Variants in SPTBN1 observed in about 807,000 individuals in gnomAD.
SPTBN1 encodes spectrin beta, non-erythrocytic 1.
SPTBN1 carries 32 observed loss-of-function variants against 266.4 expected under a neutral mutation model. The observed-to-expected ratio is 0.12, with a 90% CI of 0.09 to 0.16. The LOEUF (loss-of-function observed/expected upper bound fraction) is 0.16. SPTBN1 is among the 10% of genes least tolerant of loss of function. The probability of loss-of-function intolerance (pLI) is 1.00; values close to 1 mark genes in which losing one functional copy is unlikely to be tolerated. For synonymous variants in SPTBN1, 1,336 were observed against 1,162.2 expected, an observed-to-expected ratio of 1.15 and a Z score of -3.04; for missense variants, 2,296 against 3,067.1, an observed-to-expected ratio of 0.75 and a Z score of 5.94.
In SPTBN1 at chr2:54,526,573, C is replaced by T. The variant is rs1349171324; in HGVS notation, c.148+7C>T. On this transcript the variant is annotated splice_region_variant and intron_variant, in intron 2 of 35. Transcript: ENST00000356805. ...CGCATCAAGGCTCTGGCAGGTGAGT[C>T]CTTCACACCTGTCACAGAGGCCCAG... 2.5e-6 allele frequency: 4 copies of T among 1,610,962 alleles called. No individual in the cohort carries two copies. In the East Asian group the frequency reaches 8.9e-5, roughly 36 times the overall value.
intron 1 of SPTBN1, among the ~76,000 whole-genome samples, chr2:54,501,289 T>G (rs941553200): frequency 9.9e-5 from 15 of 152,176 alleles, no homozygotes; most frequent in Admixed American, 9.8e-4. Context: ...TTTTTGGCTC[T>G]TTGGCTCTTT....
In SPTBN1 at chr2:54,664,021, G is replaced by A. The variant is rs1681214393; in HGVS notation, c.6421-432G>A. ...CTCTGATAGAGTTGTCTATCGGTCT[G>A]TTTGTGAATGCCCTTTCGCTTAAAC... On this transcript the variant is annotated intron_variant, in intron 32 of 35. Coordinates refer to ENST00000356805, the MANE Select transcript of SPTBN1 (RefSeq NM_003128.3). This position sits in a 1 kb window ranked among gnomAD's most constrained non-coding sequence, Gnocchi z 5.6. 6.4e-6 allele frequency: 1 copy of A among 157,346 alleles called. No homozygotes were observed. Among genetic ancestry groups the A allele is most frequent in the African/African-American group, 2.4e-5 (1 of 41,566 alleles). The allele number at this position is 157,346 out of a possible 1,614,324, so 9.7% of individuals were successfully genotyped here. A position where few individuals can be genotyped will look rare whatever the true frequency, so the allele number is the denominator to read the frequency against.
intron 2 of SPTBN1, among the ~76,000 whole-genome samples, chr2:54,571,972 T>A (rs999796952): frequency 6.6e-6 from 1 of 152,154 alleles, no homozygotes; most frequent in East Asian, 1.9e-4. Context: ...GCCTATCTAC[T>A]TTTTTTGATA....
At chr2:54,590,675 G>T (rs779036060) in intron 2 of SPTBN1, among the ~76,000 whole-genome samples, 2 of 152,218 alleles carry the variant, frequency 1.3e-5, no homozygotes, top group Non-Finnish European at 2.9e-5. Flanking sequence ...TTAGAAGAAT[G>T]ATAGAAGCAA....
At chr2:54,630,726 A>C in intron 15 of SPTBN1, 129 bp from the exon 16 acceptor site, 2 of 1,189,356 alleles carry the variant, frequency 1.7e-6, no homozygotes, top group South Asian at 2.1e-5. Flanking sequence ...GATTTTCCAA[A>C]AAAGCATGTA....
At chr2:54,567,587 T>C (rs1435162588) in intron 2 of SPTBN1, among the ~76,000 whole-genome samples, 2 of 152,166 alleles carry the variant, frequency 1.3e-5, no homozygotes, top group Non-Finnish European at 2.9e-5. Context: ...TTTGTATATA[T>C]TCACGGATTG....
chr2:54,658,004 A>T lies in SPTBN1; in HGVS notation c.6201A>T (p.Ala2067=). 1 of 1,614,270 alleles carries T rather than the reference A, an allele frequency of 6.2e-7. No individual in the cohort carries two copies. The highest frequency in any genetic ancestry group is 1.1e-5 in the South Asian group (1 of 91,088). The stretch of plus-strand genomic sequence containing the variant: ...ACGAGGCATTTGAAAAGTCTGCAGC[A>T]ACCTGGGATGAGAGGTTCTCTGCCC... ...KRHEAFEKSA[A]TWDERFSALE... is the part of the protein sequence containing the mutation. The change falls in exon 30 of 36, where the codon GCA becomes GCT. Residue 2067 remains alanine (A), a synonymous_variant. Coordinates refer to ENST00000356805, the MANE Select transcript of SPTBN1 (RefSeq NM_003128.3).
intron 2 of SPTBN1, among the ~76,000 whole-genome samples, chr2:54,570,760 T>A (rs1009443553): frequency 6.6e-6 from 1 of 152,344 alleles, no homozygotes; most frequent in South Asian, 2.1e-4. Flanking sequence ...TTGAATTATG[T>A]TTCTTAAGTA....
intron 2 of SPTBN1, among the ~76,000 whole-genome samples, chr2:54,549,763 C>A (rs1672459281): frequency 6.6e-6 from 1 of 152,090 alleles, no homozygotes; most frequent in Non-Finnish European, 1.5e-5. Flanking sequence ...AGGCTTTGAG[C>A]TGGGCTTGAA....
intron 2 of SPTBN1, chr2:54,527,839 C>CA (rs1161918954): frequency 3.3e-5 from 5 of 152,228 alleles, no homozygotes; most frequent in African/African-American, 1.2e-4. Context: ...TGGAGAATCT[C>CA]ATGTGCTGTT....
intron 1 of SPTBN1, among the ~76,000 whole-genome samples, chr2:54,495,119 C>T (rs755771039): frequency 7.2e-5 from 11 of 151,734 alleles, no homozygotes; most frequent in African/African-American, 1.7e-4. Context: ...GAGCTTGAGG[C>T]GAGTGTAGAG....
chr2:54,553,053 A>C (rs1292899886), intron 2 of SPTBN1, among the ~76,000 whole-genome samples: 2 of 152,192 alleles, frequency 1.3e-5, no homozygotes, highest in Non-Finnish European at 2.9e-5. Context: ...GGCTTTTGAA[A>C]ATTGTTCTTT....
chr2:54,664,360 TTATAC>T lies in SPTBN1; in HGVS notation c.6421-92_6421-88del. The T allele has an allele frequency of 7.6e-7, 1 of 1,315,642 alleles. No homozygotes were observed. Among genetic ancestry groups the T allele is most frequent in the South Asian group, 1.3e-5 (1 of 74,078 alleles). 81.5% of individuals were successfully genotyped at this position (1,315,642 alleles called of 1,614,324 possible). A position where few individuals can be genotyped will look rare whatever the true frequency, so the allele number is the denominator to read the frequency against. ...TACTGCCTCGATCTGTGCCAGGCAT[TTATAC>T]ACAGCCACATGTGCGAGTCAGGTAG... On this transcript the variant is annotated intron_variant, in intron 32 of 35. Coordinates refer to ENST00000356805, the MANE Select transcript of SPTBN1 (RefSeq NM_003128.3). This position sits in a 1 kb window ranked among gnomAD's most constrained non-coding sequence, Gnocchi z 5.6.
At chr2:54,556,833 C>T (rs1672911067) in intron 2 of SPTBN1, among the ~76,000 whole-genome samples, 1 of 152,136 alleles carries the variant, frequency 6.6e-6, no homozygotes. Flanking sequence ...ATTACTCAGT[C>T]TGACAGCTGA....
intron 1 of SPTBN1, among the ~76,000 whole-genome samples, chr2:54,459,726 C>G (rs1225748942): frequency 6.6e-6 from 1 of 152,138 alleles, no homozygotes; most frequent in Non-Finnish European, 1.5e-5. Context: ...ATTGGAAATG[C>G]AAACCATTCT....
rs867433548 is a variant in SPTBN1 at position 54,472,034 on chromosome 2, T to G, written c.-48+15516T>G. 5.4e-5 allele frequency among the ~76,000 whole-genome samples: 7 copies of G among 129,200 alleles called. No homozygotes were observed. The South Asian group carries it at 1.8e-3, about 33-fold the overall frequency. The allele number at this position is 129,200 out of a possible 152,430, so 84.8% of individuals were successfully genotyped here. On this transcript the variant is annotated intron_variant, in intron 1 of 35. Transcript: ENST00000356805. ...GGGCCCTGAAGATGTTTTTTTTTTT[T>G]TTTTTTTTTTTGAGACTGAGTCTCG... is the stretch of plus-strand genomic sequence containing the variant.
chr2:54,460,393 G>A lies in SPTBN1; in HGVS notation c.-48+3875G>A, dbSNP rs368908893. 1.2e-4 allele frequency among the ~76,000 whole-genome samples: 19 copies of A among 152,218 alleles called. No homozygotes were observed. In the East Asian group the frequency reaches 3.1e-3, roughly 25 times the overall value. ...TAAAGCTGTTCTTTAATTCTTGGTG[G>A]AAGAGTCCTATATACCATGGTTTAT... On this transcript the variant is annotated intron_variant, in intron 1 of 35. Transcript: ENST00000356805.
chr2:54,563,757 C>T (rs1198237391), intron 2 of SPTBN1, among the ~76,000 whole-genome samples: 2 of 151,830 alleles, frequency 1.3e-5, no homozygotes, highest in African/African-American at 4.8e-5. Context: ...CCACCTGCCA[C>T]CACGCCCGGC....
intron 1 of SPTBN1, among the ~76,000 whole-genome samples, chr2:54,524,828 A>G (rs566530342): frequency 6.6e-6 from 1 of 152,074 alleles, no homozygotes; most frequent in Non-Finnish European, 1.5e-5. Context: ...TGCCTGAAAC[A>G]CTATTATTCT....
Sources: allele counts gnomAD v4.1 joint callset (sites outside exome capture counted in the v4.1 genomes callset), GRCh38; gene constraint gnomAD v4.1.1; non-coding constraint Gnocchi (gnomAD v3.1); transcripts MANE v1.5; gene names NCBI Gene and HGNC (gene_info 2026-07-23, HGNC 2026-07-21).